CCDC62: variants seen among roughly 807,000 people sequenced by gnomAD.
The protein encoded by CCDC62 is coiled-coil domain-containing protein 62.
A neutral mutation model predicts 80.8 loss-of-function variants in CCDC62; 72 were observed. That is an observed-to-expected ratio of 0.89 (90% confidence interval 0.74 to 1.08). CCDC62 has a LOEUF of 1.08. Among genes scored for constraint, CCDC62 ranks in the 50% least tolerant of loss-of-function variants. CCDC62 has a pLI of 0.00. For missense variants in CCDC62, 704 were observed against 809.4 expected (o/e 0.87, Z 1.58); for synonymous variants, 286 against 296.5 (o/e 0.96, Z 0.36).
At position 122,797,381 on chromosome 12, in the gene CCDC62, C is replaced by T. The variant is rs139198472; in HGVS notation, c.847C>T (p.His283Tyr). Residue 283 changes from histidine to tyrosine, a missense_variant, in exon 7 of 13, where the codon CAC becomes TAC. Coordinates refer to ENST00000253079, the MANE Select transcript of CCDC62 (RefSeq NM_201435.5). ...GCAAGAACGCACAAATTCAGAACTG[C>T]ACAATCTGAGACAGGTATGTCCCCA... ...SKQERTNSEL[H>Y]NLRQIYVKQQ... 83 of 1,577,072 alleles carry T rather than the reference C, an allele frequency of 5.3e-5. 2 individuals carry two copies. The Middle Eastern group carries it at 2.8e-3, about 54-fold the overall frequency.
intron 5 of CCDC62, 83 bp downstream of exon 5, chr12:122,789,012 T>C: frequency 9.2e-7 from 1 of 1,089,302 alleles, no homozygotes; most frequent in Non-Finnish European, 1.3e-6. Flanking sequence ...AATCTTATGC[T>C]TGAGAGTAGA....
intron 10 of CCDC62, among the ~76,000 whole-genome samples, chr12:122,810,173 T>C (rs1353394634): frequency 1.3e-5 from 2 of 152,050 alleles, no homozygotes; most frequent in African/African-American, 4.8e-5. Context: ...GCAAATGGGT[T>C]CTAATTAAAC....
rs569496446 is a variant in CCDC62 at position 122,791,894 on chromosome 12, G to T, written c.671-126G>T. 481 of 689,276 alleles carry T rather than the reference G, an allele frequency of 7.0e-4. 1 individual carries two copies. Among genetic ancestry groups the T allele is most frequent in the Non-Finnish European group, 1.0e-3 (403 of 392,636 alleles). The allele number at this position is 689,276 out of a possible 1,614,324, so 42.7% of individuals were successfully genotyped here. A position where few individuals can be genotyped will look rare whatever the true frequency, so the allele number is the denominator to read the frequency against. On this transcript the variant is annotated intron_variant, in intron 5 of 12. Transcript: ENST00000253079. ...GTGTGGAGATGTTGGCTGTGAAACA[G>T]ATTTTGTCTATAGATCCATCAGGAC...
intron 10 of CCDC62, among the ~76,000 whole-genome samples, chr12:122,812,656 A>C (rs1416645984): frequency 4.7e-5 from 4 of 85,576 alleles, no homozygotes; most frequent in African/African-American, 7.5e-5. Flanking sequence ...AGGTGGGTGG[A>C]GCTTGAAGTG....
chr12:122,826,927 T>C lies in CCDC62; in HGVS notation c.*546T>C, dbSNP rs1241814821. On this transcript the variant is annotated 3_prime_UTR_variant, in exon 13 of 13. Transcript: ENST00000253079. ...TAAATAGACATAAGGTGCTTTGATA[T>C]AAAATATAAAATGTAACTGGAAAAT... 6.5e-6 allele frequency: 1 copy of C among 152,770 alleles called. No homozygotes were observed. Among genetic ancestry groups the C allele is most frequent in the Non-Finnish European group, 1.5e-5 (1 of 68,486 alleles). The allele number at this position is 152,770 out of a possible 1,614,324, so 9.5% of individuals were successfully genotyped here.
chr12:122,791,462 T>G (rs1317910189), intron 5 of CCDC62, among the ~76,000 whole-genome samples: 2 of 151,728 alleles, frequency 1.3e-5, no homozygotes, highest in Non-Finnish European at 2.9e-5. Context: ...TACTTTACTT[T>G]TTTTTGAGAT....
chr12:122,791,930 C>T (rs1053173733), intron 5 of CCDC62, 90 bp from the exon 6 acceptor site: 15 of 839,908 alleles, frequency 1.8e-5, no homozygotes, highest in Middle Eastern at 2.2e-4. Context: ...CGGAAGGAGC[C>T]GCTGAGGATG....
At chr12:122,779,613 A>G (rs1434171362) in intron 2 of CCDC62, among the ~76,000 whole-genome samples, 2 of 152,208 alleles carry the variant, frequency 1.3e-5, no homozygotes, top group South Asian at 2.1e-4. Context: ...ATGCACCCAG[A>G]TGCATGTAAA....
chr12:122,822,148 A>G (rs2032432815), intron 11 of CCDC62, among the ~76,000 whole-genome samples: 1 of 147,580 alleles, frequency 6.8e-6, no homozygotes, highest in African/African-American at 2.5e-5. Context: ...CTTGTCACCA[A>G]GCTGGAGTGC....
Position 122,801,424 on chromosome 12 carries a change from A to T in CCDC62, c.1278A>T (p.Thr426=). The part of the protein sequence containing the change: ...KTQIEPENKI[T]LCKIHTKSPK... ...AGATTGAACCCGAAAACAAAATTAC[A>T]TTGTGCAAGATCCACACAAAATCAC... Residue 426 remains threonine (T), a synonymous_variant, in exon 9 of 13, where the codon ACA becomes ACT. Transcript: ENST00000253079. 1 of 1,613,862 alleles carries T rather than the reference A, an allele frequency of 6.2e-7. No homozygotes were observed. Among genetic ancestry groups the T allele is most frequent in the Non-Finnish European group, 8.5e-7 (1 of 1,179,926 alleles).
chr12:122,825,103 G>GA (rs1490913594), intron 12 of CCDC62, among the ~76,000 whole-genome samples: 2 of 150,606 alleles, frequency 1.3e-5, no homozygotes, highest in Non-Finnish European at 3.0e-5. Flanking sequence ...AAAAAGAAAA[G>GA]AAAAAAAATT....
chr12:122,784,621 A>T (rs1386885150), intron 3 of CCDC62, among the ~76,000 whole-genome samples: 1 of 152,150 alleles, frequency 6.6e-6, no homozygotes, highest in East Asian at 1.9e-4. Context: ...GCTTAAGGCC[A>T]GGAGTTCAAG....
In CCDC62 at chr12:122,806,259, G is replaced by T; in HGVS notation, c.1815G>T (p.Leu605Phe). ...SSNKKNSPTS[L>F]LIYKDAPAFN... ...ATAAAAAGAACTCACCTACGAGTTT[G>T]TTAATCTACAAAGATGCACCAGCAT... The change falls in exon 10 of 13, where the codon TTG becomes TTT. Residue 605 changes from leucine to phenylalanine, a missense_variant. Transcript: ENST00000253079. 1 of 1,612,992 alleles carries T rather than the reference G, an allele frequency of 6.2e-7. No homozygotes were observed.
intron 2 of CCDC62, 147 bp downstream of exon 2, chr12:122,777,830 C>T: frequency 1.5e-6 from 1 of 671,946 alleles, no homozygotes; most frequent in Admixed American, 2.9e-5. Flanking sequence ...ACTTTATGAA[C>T]AGCCACAATG....
At chr12:122,812,823 G>GAAAGAAAGAAAGAAAGAAAGAAAGAA (rs1566086829) in intron 10 of CCDC62, among the ~76,000 whole-genome samples, 3 of 147,420 alleles carry the variant, frequency 2.0e-5, no homozygotes, top group African/African-American at 7.7e-5. Flanking sequence ...AAGAAAGAAA[G>GAAAGAAAGAAAGAAAGAAAGAAAGAA]AAAGAAAAGG....
intron 6 of CCDC62, among the ~76,000 whole-genome samples, chr12:122,795,297 C>T (rs1370291549): frequency 3.3e-5 from 5 of 151,808 alleles, no homozygotes; most frequent in Non-Finnish European, 5.9e-5. Context: ...ACAATCCACC[C>T]GCCTCGGCCT....
chr12:122,783,814 A>G (rs2030032883), intron 3 of CCDC62, among the ~76,000 whole-genome samples: 1 of 152,310 alleles, frequency 6.6e-6, no homozygotes, highest in African/African-American at 2.4e-5. Context: ...CTCTGTATCC[A>G]CACACCCAGC....
intron 4 of CCDC62, 84 bp from the exon 5 acceptor site, chr12:122,788,674 C>T (rs1401055701): frequency 2.0e-5 from 17 of 853,196 alleles, no homozygotes; most frequent in Middle Eastern, 4.6e-4. Flanking sequence ...ACCTGGCACA[C>T]GATAAGATCT....
rs1231157084 is a variant in CCDC62, at chr12:122,797,238, T to G, written c.773-69T>G. On this transcript the variant is annotated intron_variant, in intron 6 of 12. Coordinates refer to ENST00000253079, the MANE Select transcript of CCDC62 (RefSeq NM_201435.5). ...CAAAAATGTTAGCTGAGCATTAAAT[T>G]GTTGGAAATGGAGAGGTTTGTGTGG... is the stretch of plus-strand genomic sequence containing the variant. 35 of 762,858 alleles carry G rather than the reference T, an allele frequency of 4.6e-5. No homozygotes were observed. The East Asian group carries it at 7.3e-4, about 16-fold the overall frequency. 47.3% of individuals were successfully genotyped at this position (762,858 alleles called of 1,614,324 possible).
Sources: gnomAD v4.1 joint callset for allele counts (sites outside exome capture counted in the v4.1 genomes callset) on GRCh38, gnomAD v4.1.1 for gene constraint, MANE v1.5 for transcripts, NCBI Gene and HGNC (gene_info 2026-07-23, HGNC 2026-07-21) for gene names.